The following LAMA3 variants were observed in gnomAD, a reference collection of about 807,000 sequenced individuals.
LAMA3 encodes laminin subunit alpha 3.
LAMA3 carries 281 observed loss-of-function variants against 402.0 expected under a neutral mutation model. That is an observed-to-expected ratio of 0.70 (90% CI 0.63 to 0.77). LAMA3 has a LOEUF of 0.77. Ranked by LOEUF, LAMA3 falls within the 30% of genes least tolerant of loss-of-function variation. The probability of loss-of-function intolerance (pLI) is 0.00; values close to 1 mark genes in which losing one functional copy is unlikely to be tolerated. For synonymous variants in LAMA3, 1,431 were observed against 1,558.4 expected, an observed-to-expected ratio of 0.92 and a Z score of 1.93; for missense variants, 3,840 against 4,215.5, an observed-to-expected ratio of 0.91 and a Z score of 2.47.
At chr18:23,729,754 A>G (rs992531593) in intron 2 of LAMA3, among the ~76,000 whole-genome samples, 4 of 152,266 alleles carry the variant, frequency 2.6e-5, no homozygotes, top group African/African-American at 9.6e-5. Flanking sequence ...CACGTTCTAG[A>G]AGGGGAAATG....
intron 67 of LAMA3, among the ~76,000 whole-genome samples, chr18:23,935,729 G>C (rs1267440614): frequency 6.6e-6 from 1 of 152,126 alleles, no homozygotes; most frequent in African/African-American, 2.4e-5. Context: ...AAAATACTTA[G>C]AAAAGTGCCT....
rs542770232 is a variant in LAMA3 at position 23,918,314 on chromosome 18, C to T, written c.7923+1619C>T. Among the ~76,000 whole-genome samples, 1 of 152,258 alleles carries T rather than the reference C, an allele frequency of 6.6e-6. No homozygotes were observed. Among genetic ancestry groups the T allele is most frequent in the South Asian group, 2.1e-4 (1 of 4,828 alleles). On this transcript the variant is annotated intron_variant, in intron 60 of 74. Coordinates refer to ENST00000313654, the MANE Select transcript of LAMA3 (RefSeq NM_198129.4). This position sits in a 1 kb window ranked among gnomAD's most constrained non-coding sequence, Gnocchi z 4.1. ...CCCCCCAAAATGTGGGAGAAATCTC[C>T]CCTTTTCCTGTTCTATTCTCATTAT...
chr18:23,854,657 A>G (rs769596499), intron 32 of LAMA3, among the ~76,000 whole-genome samples: 96 of 150,146 alleles, frequency 6.4e-4, no homozygotes, highest in Non-Finnish European at 9.9e-4. Flanking sequence ...ATAAATAAAT[A>G]AAAATAAATA....
At chr18:23,694,763 G>A (rs531498896) in intron 1 of LAMA3, among the ~76,000 whole-genome samples, 1 of 152,248 alleles carries the variant, frequency 6.6e-6, no homozygotes, top group African/African-American at 2.4e-5. Context: ...TATCACCTTG[G>A]AGCCATCCAT....
intron 14 of LAMA3, among the ~76,000 whole-genome samples, chr18:23,813,888 T>G (rs1445117901): frequency 6.6e-6 from 1 of 152,194 alleles, no homozygotes. Flanking sequence ...TCTGTCTTCT[T>G]GGCCTCAGAG....
intron 2 of LAMA3, among the ~76,000 whole-genome samples, chr18:23,743,880 A>G (rs959523705): frequency 7.2e-5 from 11 of 152,166 alleles, no homozygotes; most frequent in Admixed American, 6.5e-5. Context: ...TTCTACCTAC[A>G]GTGGCTCCAT....
chr18:23,785,845 G>A (rs993864493), intron 12 of LAMA3, among the ~76,000 whole-genome samples: 2 of 152,028 alleles, frequency 1.3e-5, no homozygotes, highest in Non-Finnish European at 2.9e-5. Context: ...TATTCATATG[G>A]ACAAAGCTTG....
At chr18:23,843,027 C>T (rs529026269) in intron 29 of LAMA3, among the ~76,000 whole-genome samples, 3 of 151,996 alleles carry the variant, frequency 2.0e-5, no homozygotes, top group Non-Finnish European at 2.9e-5. Flanking sequence ...GCATTTTTCG[C>T]TCCTTTCTTC....
chr18:23,943,998 TC>T (rs1358191341), intron 69 of LAMA3, 27 bp downstream of exon 69: 8 of 1,606,292 alleles, frequency 5.0e-6, no homozygotes. Context: ...TGTCAGTATC[TC>T]CAGTTGGTGT....
At position 23,690,766 on chromosome 18, in the gene LAMA3, G is replaced by A. The variant is rs202128579; in HGVS notation, c.294+789G>A. Among the ~76,000 whole-genome samples, 499 of 140,344 alleles carry A rather than the reference G, an allele frequency of 3.6e-3. 1 individual carries two copies. The highest frequency in any genetic ancestry group is 5.9e-3 in the Non-Finnish European group (380 of 64,630). The allele number at this position is 140,344 out of a possible 152,430, so 92.1% of individuals were successfully genotyped here. On this transcript the variant is annotated intron_variant, in intron 1 of 74. Coordinates refer to ENST00000313654, the MANE Select transcript of LAMA3 (RefSeq NM_198129.4). ...GCTGGGACTACAGGCGTGCCCCCCC[G>A]TGCCTGGCAATTTTTTTTTTTTTTT... is the stretch of plus-strand genomic sequence containing the variant.
At chr18:23,827,496 G>C (rs762164805) in intron 23 of LAMA3, 29 bp downstream of exon 23, 3 of 1,610,922 alleles carry the variant, frequency 1.9e-6, no homozygotes, top group Non-Finnish European at 2.5e-6. Flanking sequence ...TATTATCAAA[G>C]TTATTACTAC....
chr18:23,853,647 A>T (rs1167557633), intron 32 of LAMA3, among the ~76,000 whole-genome samples: 1 of 152,156 alleles, frequency 6.6e-6, no homozygotes, highest in African/African-American at 2.4e-5. Flanking sequence ...GCACCCACCC[A>T]TGCCCAGATG....
rs767781304 is a variant in LAMA3 at position 23,858,763 on chromosome 18, T to C, written c.4356T>C (p.Gly1452=). Residue 1452 remains glycine, a synonymous_variant, in exon 34 of 75, where the codon GGT becomes GGC. Coordinates refer to ENST00000313654, the MANE Select transcript of LAMA3 (RefSeq NM_198129.4). The part of the protein sequence containing the change: ...SFHLDPANLK[G]CTSCFCFGVN... The stretch of plus-strand genomic sequence containing the variant: ...ATTTGGACCCAGCCAATCTCAAGGG[T>C]TGTACCAGCTGTTTCTGTTTTGGAG... 71 of 1,614,014 alleles carry C rather than the reference T, an allele frequency of 4.4e-5. No homozygotes were observed. The highest frequency in any genetic ancestry group is 5.5e-5 in the Non-Finnish European group (65 of 1,179,974).
intron 8 of LAMA3, among the ~76,000 whole-genome samples, chr18:23,768,203 C>T (rs1311286289): frequency 6.6e-6 from 1 of 150,942 alleles, no homozygotes; most frequent in Non-Finnish European, 1.5e-5. Context: ...AAACAGACAG[C>T]CTACAGAGTG....
intron 2 of LAMA3, among the ~76,000 whole-genome samples, chr18:23,717,748 T>G (rs1319905395): frequency 5.5e-5 from 8 of 144,530 alleles, no homozygotes; most frequent in Non-Finnish European, 1.0e-4. Flanking sequence ...TTTTTTTTTT[T>G]TTAGTAGAGA....
intron 73 of LAMA3, among the ~76,000 whole-genome samples, chr18:23,952,767 TTTC>T (rs2082960286): frequency 1.3e-5 from 2 of 152,238 alleles, no homozygotes; most frequent in Non-Finnish European, 2.9e-5. Flanking sequence ...GGAATGATAA[TTTC>T]TTCTTCACAG....
chr18:23,763,698 T>A (rs1030886280), intron 8 of LAMA3, among the ~76,000 whole-genome samples, 175 bp downstream of exon 8: 54 of 152,208 alleles, frequency 3.5e-4, no homozygotes, highest in Non-Finnish European at 7.1e-4. Flanking sequence ...TTAGGGATTG[T>A]AAGGAAAATG....
chr18:23,922,173 A>G (rs143279662), intron 62 of LAMA3, among the ~76,000 whole-genome samples: 1,639 of 152,350 alleles, frequency 0.011, 15 homozygotes, highest in South Asian at 0.066. Flanking sequence ...ATGCACGTAA[A>G]AATAACTTTT....
chr18:23,770,793 C>T (rs964798265), intron 8 of LAMA3, among the ~76,000 whole-genome samples: 41 of 151,852 alleles, frequency 2.7e-4, no homozygotes, highest in Non-Finnish European at 2.8e-4. Context: ...AAAAAAAGAG[C>T]TTAACATTAT....
Sources: allele counts gnomAD v4.1 joint callset (sites outside exome capture counted in the v4.1 genomes callset), GRCh38; gene constraint gnomAD v4.1.1; non-coding constraint Gnocchi (gnomAD v3.1); transcripts MANE v1.5; gene names NCBI Gene and HGNC (gene_info 2026-07-23, HGNC 2026-07-21).